Variants in ATP6V1H observed in about 807,000 individuals in gnomAD.
ATP6V1H encodes the protein ATPase H+ transporting V1 subunit H.
Under a neutral mutation model 71.7 loss-of-function variants are expected in ATP6V1H, and 39 were observed. That is an observed-to-expected ratio of 0.54 (90% CI 0.42 to 0.71). The LOEUF (loss-of-function observed/expected upper bound fraction) is 0.71, where lower values mean the gene tolerates loss of function less well. Ranked by LOEUF, ATP6V1H falls within the 30% of genes least tolerant of loss-of-function variation. ATP6V1H has a pLI of 0.00. For missense variants in ATP6V1H, 509 were observed against 594.9 expected (o/e 0.86, Z 1.50); for synonymous variants, 192 against 199.3 (o/e 0.96, Z 0.31).
chr8:53,719,873 T>C (rs767280754), intron 13 of ATP6V1H, among the ~76,000 whole-genome samples: 5 of 152,168 alleles, frequency 3.3e-5, no homozygotes, highest in Non-Finnish European at 7.3e-5. Flanking sequence ...CTCAGAAAGG[T>C]GCAGAAGGCA....
chr8:53,816,704 G>A (rs1300903212), intron 5 of ATP6V1H, among the ~76,000 whole-genome samples: 1 of 152,110 alleles, frequency 6.6e-6, no homozygotes, highest in Non-Finnish European at 1.5e-5. Context: ...GCTGAGGCAG[G>A]AGAATCGCTT....
Position 53,750,013 on chromosome 8 carries a change from A to C in ATP6V1H, c.1278-6323T>G, listed in dbSNP as rs545183373. Reference sequence around the variant, plus strand: ...ACAGTTTTATTCCTGAACATCATGTATTTTTGAAAAGTAAGATTAATGCTA... The same window carrying C: ...ACAGTTTTATTCCTGAACATCATGTCTTTTTGAAAAGTAAGATTAATGCTA... On this transcript the variant is annotated intron_variant, in intron 12 of 13. Coordinates refer to ENST00000359530, the MANE Select transcript of ATP6V1H (RefSeq NM_015941.4). Among the ~76,000 whole-genome samples the C allele has an allele frequency of 1.1e-4, 16 of 152,308 alleles. No homozygotes were observed. In the South Asian group the frequency reaches 3.3e-3, roughly 32 times the overall value.
intron 8 of ATP6V1H, among the ~76,000 whole-genome samples, chr8:53,797,215 T>C (rs1469106052): frequency 1.3e-5 from 2 of 152,182 alleles, no homozygotes; most frequent in Non-Finnish European, 1.5e-5. Context: ...GTTGGCTCCA[T>C]GTTAGGCTAT....
intron 12 of ATP6V1H, among the ~76,000 whole-genome samples, chr8:53,751,938 G>A (rs191615345): frequency 5.3e-5 from 8 of 152,246 alleles, no homozygotes; most frequent in Admixed American, 1.3e-4. Context: ...AAAGTGCTGG[G>A]ATTACAGGTG....
chr8:53,749,547 G>T (rs192492946), intron 12 of ATP6V1H, among the ~76,000 whole-genome samples: 2 of 152,064 alleles, frequency 1.3e-5, no homozygotes, highest in African/African-American at 4.8e-5. Flanking sequence ...CCAGTCTCTC[G>T]TTCCTGCTGG....
At chr8:53,800,533 A>G (rs1809876866) in intron 8 of ATP6V1H, among the ~76,000 whole-genome samples, 1 of 152,208 alleles carries the variant, frequency 6.6e-6, no homozygotes, top group African/African-American at 2.4e-5. Context: ...CTAGATAGCT[A>G]TATCATAAAT....
intron 9 of ATP6V1H, among the ~76,000 whole-genome samples, chr8:53,781,166 A>G (rs1456782522): frequency 2.6e-5 from 4 of 152,270 alleles, no homozygotes; most frequent in South Asian, 4.1e-4. Context: ...AACAGTGTAA[A>G]AGTGTTCCTA....
At chr8:53,744,920 C>T (rs1319990037) in intron 12 of ATP6V1H, among the ~76,000 whole-genome samples, 1 of 152,176 alleles carries the variant, frequency 6.6e-6, no homozygotes, top group African/African-American at 2.4e-5. Context: ...CACAGCGTTG[C>T]TGTGATGATT....
At chr8:53,769,823 C>T (rs1808592576) in intron 10 of ATP6V1H, 80 bp from the exon 11 acceptor site, 1 of 1,257,882 alleles carries the variant, frequency 7.9e-7, no homozygotes, top group South Asian at 1.6e-5. Context: ...AATGTCTTCA[C>T]TTATTATTTA....
chr8:53,722,834 T>C (rs1806672547), intron 13 of ATP6V1H, among the ~76,000 whole-genome samples: 3 of 152,258 alleles, frequency 2.0e-5, no homozygotes, highest in African/African-American at 7.2e-5. Context: ...TCAAACAAAA[T>C]TTAAAGTTAT....
intron 4 of ATP6V1H, among the ~76,000 whole-genome samples, chr8:53,821,590 G>C (rs1025299132): frequency 6.6e-6 from 1 of 152,130 alleles, no homozygotes; most frequent in Non-Finnish European, 1.5e-5. Flanking sequence ...TGGAGGCTGA[G>C]GCATGAGAAT....
In ATP6V1H at chr8:53,795,843, A is replaced by G; in HGVS notation, c.678-4T>C. The G allele has an allele frequency of 6.3e-7, 1 of 1,576,570 alleles. No homozygotes were observed. The highest frequency in any genetic ancestry group is 8.6e-7 in the Non-Finnish European group (1 of 1,166,864). On this transcript the variant is annotated splice_polypyrimidine_tract_variant and splice_region_variant and intron_variant, in intron 8 of 13. Transcript: ENST00000359530. ...GTTACTCAACACTCCCATTATGCTG[A>G]AAAACAAACAAACAAAAAAAACACA...
intron 13 of ATP6V1H, among the ~76,000 whole-genome samples, chr8:53,731,559 C>G (rs1299799046): frequency 6.6e-6 from 1 of 152,202 alleles, no homozygotes; most frequent in Admixed American, 6.5e-5. Context: ...CATGCTTGCT[C>G]AATTGATCAT....
At chr8:53,769,554 A>C in intron 11 of ATP6V1H, 64 bp downstream of exon 11, 1 of 1,476,650 alleles carries the variant, frequency 6.8e-7, no homozygotes, top group South Asian at 1.3e-5. Context: ...AGTGACAAAA[A>C]CGAGTGTTGG....
chr8:53,734,387 C>T (rs1807125680), intron 13 of ATP6V1H, among the ~76,000 whole-genome samples: 1 of 152,242 alleles, frequency 6.6e-6, no homozygotes, highest in Admixed American at 6.5e-5. Context: ...GAAAAATATG[C>T]AGGATATTGA....
At chr8:53,744,428 G>A (rs2130190214) in intron 12 of ATP6V1H, among the ~76,000 whole-genome samples, 1 of 152,338 alleles carries the variant, frequency 6.6e-6, no homozygotes, top group South Asian at 2.1e-4. Flanking sequence ...TTGCAAAGGT[G>A]TGGTTACAGA....
chr8:53,825,162 T>C (rs1030060517), intron 4 of ATP6V1H, among the ~76,000 whole-genome samples: 1 of 152,114 alleles, frequency 6.6e-6, no homozygotes, highest in African/African-American at 2.4e-5. Context: ...AATTCAGTAA[T>C]ATAATGATGT....
intron 12 of ATP6V1H, among the ~76,000 whole-genome samples, chr8:53,752,183 A>G (rs777598909): frequency 1.3e-5 from 2 of 152,222 alleles, no homozygotes; most frequent in African/African-American, 2.4e-5. Context: ...ATTTTTATTC[A>G]TAAGGAAAAA....
intron 9 of ATP6V1H, 81 bp from the exon 10 acceptor site, chr8:53,772,248 G>C: frequency 9.2e-7 from 1 of 1,086,168 alleles, no homozygotes; most frequent in East Asian, 2.6e-5. Flanking sequence ...TTCTTTTATA[G>C]TCTCTCTCCT....
Sources: allele counts gnomAD v4.1 joint callset (sites outside exome capture counted in the v4.1 genomes callset), GRCh38; gene constraint gnomAD v4.1.1; transcripts MANE v1.5; gene names NCBI Gene and HGNC (gene_info 2026-07-23, HGNC 2026-07-21).